Variants in GCA observed in about 807,000 individuals in gnomAD.
The protein encoded by GCA is grancalcin, EF-hand calcium-binding protein.
GCA carries 30 observed loss-of-function variants against 32.6 expected under a neutral mutation model. That is an observed-to-expected ratio of 0.92 (90% confidence interval 0.69 to 1.25). The LOEUF (loss-of-function observed/expected upper bound fraction) is 1.25, where lower values mean the gene tolerates loss of function less well. Among genes scored for constraint, GCA ranks in the 50% most tolerant of loss-of-function variants. GCA has a pLI of 0.00. For synonymous variants in GCA, 102 were observed against 84.6 expected, an observed-to-expected ratio of 1.21 and a Z score of -1.13; for missense variants, 291 against 266.8, an observed-to-expected ratio of 1.09 and a Z score of -0.63.
upstream of GCA, among the ~76,000 whole-genome samples, chr2:162,341,430 C>A (rs576047846): frequency 6.0e-4 from 91 of 151,582 alleles, no homozygotes; most frequent in Middle Eastern, 3.4e-3. Flanking sequence ...AAAAGAACTG[C>A]AGTTAATTTA....
intron 5 of GCA, 38 bp downstream of exon 5, chr2:162,356,943 A>G: frequency 7.0e-7 from 1 of 1,425,962 alleles, no homozygotes; most frequent in Non-Finnish European, 9.6e-7. Flanking sequence ...TATAAAGCTA[A>G]TCTTTGTTCT....
At chr2:162,332,667 A>T (rs1298226834) in intron 1 of GCA, among the ~76,000 whole-genome samples, 5 of 152,298 alleles carry the variant, frequency 3.3e-5, no homozygotes, top group African/African-American at 4.8e-5. Flanking sequence ...TAGATCATTG[A>T]AAAAACTGTC....
chr2:162,334,143 G>T (rs921063490), intron 1 of GCA, among the ~76,000 whole-genome samples: 1 of 152,090 alleles, frequency 6.6e-6, no homozygotes. Context: ...TCCACACTGC[G>T]ACTCACAGAT....
chr2:162,332,706 C>A (rs1684140554), intron 1 of GCA, among the ~76,000 whole-genome samples: 1 of 152,104 alleles, frequency 6.6e-6, no homozygotes, highest in African/African-American at 2.4e-5. Context: ...GTTTCTTATA[C>A]TTTTACCAAA....
At chr2:162,355,871 C>T (rs1436170605) in intron 3 of GCA, among the ~76,000 whole-genome samples, 1 of 151,506 alleles carries the variant, frequency 6.6e-6, no homozygotes, top group Non-Finnish European at 1.5e-5. Context: ...ATATTTTATT[C>T]ATTGTAAACT....
chr2:162,320,560 C>T (rs1330483462), intron 1 of GCA, among the ~76,000 whole-genome samples: 1 of 152,112 alleles, frequency 6.6e-6, no homozygotes, highest in African/African-American at 2.4e-5. Flanking sequence ...TTCTTCATAC[C>T]ACTTAATTGT....
intron 1 of GCA, among the ~76,000 whole-genome samples, chr2:162,323,930 T>C (rs1683778631): frequency 6.6e-6 from 1 of 152,090 alleles, no homozygotes; most frequent in African/African-American, 2.4e-5. Flanking sequence ...AAGTAGTTTT[T>C]TCCAATTCTG....
Position 162,349,045 on chromosome 2 carries a change from G to T in GCA, c.192+1303G>T, listed in dbSNP as rs542740401. On this transcript the variant is annotated intron_variant, in intron 2 of 7. Coordinates refer to ENST00000437150, the MANE Select transcript of GCA (RefSeq NM_012198.5). ...TTCTAAAGTCTGTCTTGTATACTAT[G>T]TTGTTGAGAATAAATATTAAATTAT... 5.3e-5 allele frequency among the ~76,000 whole-genome samples: 8 copies of T among 151,272 alleles called. No individual in the cohort carries two copies. The South Asian group carries it at 1.7e-3, about 31-fold the overall frequency.
intron 4 of GCA, among the ~76,000 whole-genome samples, chr2:162,370,448 A>G (rs1470572560): frequency 6.6e-6 from 1 of 152,176 alleles, no homozygotes. Context: ...TATGAGATAC[A>G]TATGTCCCCC....
chr2:162,334,979 T>C (rs957956347), intron 1 of GCA, among the ~76,000 whole-genome samples: 1 of 152,202 alleles, frequency 6.6e-6, no homozygotes, highest in African/African-American at 2.4e-5. Context: ...GTAAAACTGC[T>C]CCTAGATTTT....
At chr2:162,369,536 C>A (rs563792385) in intron 4 of GCA, among the ~76,000 whole-genome samples, 1 of 152,166 alleles carries the variant, frequency 6.6e-6, no homozygotes, top group East Asian at 1.9e-4. Context: ...GCTCAGGTTT[C>A]ACAAAGAAAT....
intron 4 of GCA, among the ~76,000 whole-genome samples, chr2:162,370,692 ATATACT>A (rs1291964584): frequency 6.6e-6 from 1 of 152,156 alleles, no homozygotes; most frequent in Non-Finnish European, 1.5e-5. Context: ...ATGGAATAAC[ATATACT>A]TAATGGAAAC....
rs775639041 is a variant in GCA, at chr2:162,356,421, T to C, written c.263-17T>C. ...AGTTGGGCATACTCTAATTTAAATA[T>C]TGAATATGTTTTACAGCCTTCAGTT... On this transcript the variant is annotated splice_polypyrimidine_tract_variant and intron_variant, in intron 3 of 7. Coordinates refer to ENST00000437150, the MANE Select transcript of GCA (RefSeq NM_012198.5). The C allele has an allele frequency of 3.4e-6, 5 of 1,456,486 alleles. No homozygotes were observed. Among genetic ancestry groups the C allele is most frequent in the Non-Finnish European group, 3.8e-6 (4 of 1,039,052 alleles). The allele number at this position is 1,456,486 out of a possible 1,614,324, so 90.2% of individuals were successfully genotyped here.
At chr2:162,338,015 A>G (rs1002245381) in intron 1 of GCA, among the ~76,000 whole-genome samples, 1 of 152,272 alleles carries the variant, frequency 6.6e-6, no homozygotes, top group Non-Finnish European at 1.5e-5. Flanking sequence ...ATATTTTGCA[A>G]CTGCTTTGAT....
chr2:162,357,787 T>A lies in GCA; in HGVS notation c.454+882T>A, dbSNP rs1231744141. ...TCAGCCTAATGTTGGGAAATTAATG[T>A]AATCTTTGGCAGAAAAGAAAACCTC... is the stretch of plus-strand genomic sequence containing the variant. On this transcript the variant is annotated intron_variant, in intron 5 of 7. Transcript: ENST00000437150. Among the ~76,000 whole-genome samples the A allele has an allele frequency of 3.3e-5, 5 of 151,794 alleles. No homozygotes were observed. In the East Asian group the frequency reaches 9.7e-4, roughly 29 times the overall value.
chr2:162,321,932 A>T (rs1166931010), intron 1 of GCA, among the ~76,000 whole-genome samples: 1 of 104,352 alleles, frequency 9.6e-6, no homozygotes, highest in African/African-American at 5.9e-5. Flanking sequence ...ATATATATAT[A>T]TACACACATA....
At chr2:162,343,914 G>A (rs1490744759), upstream of GCA, among the ~76,000 whole-genome samples, 1 of 152,144 alleles carries the variant, frequency 6.6e-6, no homozygotes, top group East Asian at 1.9e-4. Flanking sequence ...GAAGGAGAGC[G>A]CGCGAGAACC....
At chr2:162,326,837 A>G (rs978801460) in intron 1 of GCA, among the ~76,000 whole-genome samples, 13 of 152,200 alleles carry the variant, frequency 8.5e-5, no homozygotes, top group South Asian at 2.1e-4. Flanking sequence ...TTCTTTCCAC[A>G]AAAAACTCAG....
downstream of GCA, chr2:162,373,584 G>A: frequency 6.3e-7 from 1 of 1,585,388 alleles, no homozygotes; most frequent in Non-Finnish European, 8.6e-7. Flanking sequence ...CCATACTGTA[G>A]GCTGGGGGGA....
Sources: allele counts gnomAD v4.1 joint callset (sites outside exome capture counted in the v4.1 genomes callset), GRCh38; gene constraint gnomAD v4.1.1; transcripts MANE v1.5; gene names NCBI Gene and HGNC (gene_info 2026-07-23, HGNC 2026-07-21).